The following NEBL variants were observed in gnomAD, a reference collection of about 807,000 sequenced individuals.
NEBL encodes the protein nebulette, also known as LIM and SH3 protein 2.
NEBL carries 122 observed loss-of-function variants against 140.2 expected under a neutral mutation model. That is an observed-to-expected ratio of 0.87 (90% CI 0.75 to 1.01). The LOEUF is 1.01. NEBL is among the 50% of genes least tolerant of loss of function. NEBL has a pLI of 0.00. For missense variants in NEBL, 1,365 were observed against 1,231.3 expected, an observed-to-expected ratio of 1.11 and a Z score of -1.62; for synonymous variants, 436 against 398.9, an observed-to-expected ratio of 1.09 and a Z score of -1.11.
At chr10:21,243,507 A>G (rs57134456) in intron 3 of NEBL, among the ~76,000 whole-genome samples, 9,106 of 151,920 alleles carry the variant, frequency 0.06, 323 homozygotes, top group South Asian at 0.16. Flanking sequence ...GGGTTTTGCC[A>G]TGTTGGCCAG....
chr10:21,258,854 T>G (rs1842699250), intron 1 of NEBL, among the ~76,000 whole-genome samples: 1 of 152,190 alleles, frequency 6.6e-6, no homozygotes, highest in Non-Finnish European at 1.5e-5. Flanking sequence ...CACTCTGGCC[T>G]GGGCTGGAAT....
chr10:21,067,963 A>G (rs1200766719), intron 2 of NEBL, among the ~76,000 whole-genome samples: 2 of 145,770 alleles, frequency 1.4e-5, no homozygotes, highest in Non-Finnish European at 3.1e-5. Context: ...GGGTGACAAC[A>G]AGATGCCGTC....
At chr10:20,833,755 C>T (rs1006152666) in intron 14 of NEBL, among the ~76,000 whole-genome samples, 33 of 75,804 alleles carry the variant, frequency 4.4e-4, no homozygotes, top group Admixed American at 2.9e-3. Flanking sequence ...GACTCCGTCT[C>T]AAAAAAAAAA....
At chr10:21,190,224 A>G (rs1429493774) in intron 3 of NEBL, among the ~76,000 whole-genome samples, 2 of 152,196 alleles carry the variant, frequency 1.3e-5, no homozygotes, top group Non-Finnish European at 1.5e-5. Flanking sequence ...TTACGTCTGT[A>G]ATCCCAATGC....
chr10:20,850,259 T>C, intron 11 of NEBL, 136 bp downstream of exon 11: 1 of 705,002 alleles, frequency 1.4e-6, no homozygotes, highest in Admixed American at 2.1e-5. Context: ...AGTGGGTGGC[T>C]GGGTCTAGAA....
At chr10:21,290,548 A>T (rs1843128221) in intron 1 of NEBL, among the ~76,000 whole-genome samples, 1 of 152,140 alleles carries the variant, frequency 6.6e-6, no homozygotes, top group South Asian at 2.1e-4. Context: ...AAAATTAACC[A>T]CCAGAGGAGA....
intron 2 of NEBL, among the ~76,000 whole-genome samples, chr10:21,156,862 T>G (rs1404912790): frequency 6.6e-6 from 1 of 152,158 alleles, no homozygotes; most frequent in African/African-American, 2.4e-5. Flanking sequence ...ACAGCCAAGG[T>G]CACAATCATG....
intron 2 of NEBL, among the ~76,000 whole-genome samples, chr10:21,045,989 T>C (rs925980558): frequency 1.1e-4 from 15 of 136,774 alleles, no homozygotes; most frequent in Admixed American, 2.3e-4. Context: ...GGCAGATGAA[T>C]GGATAAAAAA....
Position 20,808,581 on chromosome 10 carries a change from C to T in NEBL, c.2690G>A (p.Arg897Lys), listed in dbSNP as rs753145586. ...STFGTGLGDD[R>K]SEISEIYPSF... ...AGGGTAAATCTCGGAGATTTCTGAC[C>T]TGTCGTCTCCGAGACCTGTACCGAA... The change falls in exon 26 of 28, where the codon AGG becomes AAG. Residue 897 changes from arginine (R) to lysine (K), a missense_variant. Coordinates refer to ENST00000377122, the MANE Select transcript of NEBL (RefSeq NM_006393.3). The T allele has an allele frequency of 3.1e-6, 5 of 1,613,802 alleles. No individual in the cohort carries two copies. The East Asian group carries it at 8.9e-5, about 29-fold the overall frequency.
At chr10:20,941,592 G>T (rs1217991312) in intron 4 of NEBL, among the ~76,000 whole-genome samples, 2 of 150,728 alleles carry the variant, frequency 1.3e-5, no homozygotes, top group African/African-American at 2.4e-5. Context: ...AGGGCAATCA[G>T]GCAGGAGAAG....
chr10:21,280,345 T>A lies in NEBL; in HGVS notation n.182+12485A>T, dbSNP rs1379085302. On this transcript the variant is annotated intron_variant and non_coding_transcript_variant, in intron 1 of 8. Transcript: ENST00000675702. Reference sequence around the variant, plus strand: ...AAATCAAGCTGTTAAATGTATGAGTTTATACCACTGCCCTAGGCAGTAGAA... The same window carrying A: ...AAATCAAGCTGTTAAATGTATGAGTATATACCACTGCCCTAGGCAGTAGAA... 2.0e-5 allele frequency among the ~76,000 whole-genome samples: 3 copies of A among 152,174 alleles called. No homozygotes were observed. The East Asian group carries it at 5.8e-4, about 29-fold the overall frequency.
chr10:20,913,105 C>T (rs1269933458), intron 4 of NEBL, among the ~76,000 whole-genome samples: 2 of 151,996 alleles, frequency 1.3e-5, no homozygotes, highest in African/African-American at 4.8e-5. Flanking sequence ...TAGGGAGGAA[C>T]ATACTGAGTC....
intron 4 of NEBL, among the ~76,000 whole-genome samples, chr10:20,882,357 G>A (rs1402888987): frequency 1.5e-5 from 2 of 133,806 alleles, no homozygotes; most frequent in African/African-American, 5.0e-5. Context: ...AAGGGGAAGG[G>A]AAAGGGAAAG....
chr10:20,868,778 A>C lies in NEBL; in HGVS notation c.583-13T>G. The C allele has an allele frequency of 6.5e-7, 1 of 1,545,242 alleles. No homozygotes were observed. Among genetic ancestry groups the C allele is most frequent in the East Asian group, 2.3e-5 (1 of 44,440 alleles). On this transcript the variant is annotated splice_polypyrimidine_tract_variant and intron_variant, in intron 6 of 27. Coordinates refer to ENST00000377122, the MANE Select transcript of NEBL (RefSeq NM_006393.3). Reference sequence around the variant, plus strand: ...TCTTGTATTCTGCCTAAAATGAATAAATAAGACAATGTTAAATATTTCTAC... The same window carrying C: ...TCTTGTATTCTGCCTAAAATGAATACATAAGACAATGTTAAATATTTCTAC...
intron 11 of NEBL, among the ~76,000 whole-genome samples, 171 bp downstream of exon 11, chr10:20,850,224 C>T (rs578023161): frequency 6.6e-6 from 1 of 152,300 alleles, no homozygotes; most frequent in South Asian, 2.1e-4. Context: ...CAGATAAACT[C>T]AATGACCTAG....
At chr10:20,918,792 A>C (rs1833438338) in intron 4 of NEBL, among the ~76,000 whole-genome samples, 1 of 151,948 alleles carries the variant, frequency 6.6e-6, no homozygotes, top group South Asian at 2.1e-4. Context: ...TAGAGCTTGC[A>C]GTGAGCCGAG....
chr10:20,939,715 G>A (rs957770433), intron 4 of NEBL, among the ~76,000 whole-genome samples: 4 of 152,004 alleles, frequency 2.6e-5, no homozygotes, highest in Non-Finnish European at 4.4e-5. Flanking sequence ...ACACACATAG[G>A]CTCAAAATAA....
intron 2 of NEBL, among the ~76,000 whole-genome samples, chr10:20,893,386 G>A (rs1847189935): frequency 6.6e-6 from 1 of 152,212 alleles, no homozygotes; most frequent in Non-Finnish European, 1.5e-5. Context: ...AGTATTATGT[G>A]ATTAACAGAA....
chr10:21,220,211 C>T (rs969283765), intron 3 of NEBL, among the ~76,000 whole-genome samples: 3 of 152,108 alleles, frequency 2.0e-5, no homozygotes, highest in African/African-American at 4.8e-5. Context: ...CCATGCCCGG[C>T]GTGATTTTTG....
Sources: gnomAD v4.1 joint callset for allele counts (sites outside exome capture counted in the v4.1 genomes callset) on GRCh38, gnomAD v4.1.1 for gene constraint, MANE v1.5 for transcripts, NCBI Gene and HGNC (gene_info 2026-07-23, HGNC 2026-07-21) for gene names.